The following CD40 variants were observed in gnomAD, a reference collection of about 807,000 sequenced individuals.
CD40 encodes the protein CD40 molecule.
A neutral mutation model predicts 38.5 loss-of-function variants in CD40; 19 were observed. That is an observed-to-expected ratio of 0.49 (90% CI 0.34 to 0.72). The LOEUF (loss-of-function observed/expected upper bound fraction) is 0.72. Ranked by LOEUF, CD40 falls within the 30% of genes least tolerant of loss-of-function variation. CD40 has a pLI of 0.01. For synonymous variants in CD40, 130 were observed against 128.7 expected, an observed-to-expected ratio of 1.01 and a Z score of -0.07; for missense variants, 256 against 344.1, an observed-to-expected ratio of 0.74 and a Z score of 2.03.
At chr20:46,128,467 T>C (rs779391263) in intron 8 of CD40, 109 bp downstream of exon 8, 51 of 1,229,902 alleles carry the variant, frequency 4.1e-5, no homozygotes, top group Admixed American at 5.5e-5. Context: ...CTGCAGCCAG[T>C]GGGGTGGCAG....
rs770408810 is a variant in CD40, at chr20:46,122,082, C to T, written c.131-151C>T. The T allele has an allele frequency of 1.7e-5, 19 of 1,114,768 alleles. No homozygotes were observed. Among genetic ancestry groups the T allele is most frequent in the Non-Finnish European group, 2.6e-5 (19 of 744,056 alleles). 69.1% of individuals were successfully genotyped at this position (1,114,768 alleles called of 1,614,324 possible). A position where few individuals can be genotyped will look rare whatever the true frequency, so the allele number is the denominator to read the frequency against. Reference sequence around the variant, plus strand: ...CTCTGTCTACCCTGAACTAGGGATCCCAGCTTCTCCATCTTCCTCGCCTGA... The same window carrying T: ...CTCTGTCTACCCTGAACTAGGGATCTCAGCTTCTCCATCTTCCTCGCCTGA... On this transcript the variant is annotated intron_variant, in intron 2 of 8. Coordinates refer to ENST00000372285, the MANE Select transcript of CD40 (RefSeq NM_001250.6). The surrounding 1 kb of genome is among the most constrained non-coding windows in gnomAD (Gnocchi z 5.0).
intron 7 of CD40, 45 bp downstream of exon 7, chr20:46,128,269 A>G: frequency 6.3e-7 from 1 of 1,586,588 alleles, no homozygotes; most frequent in South Asian, 1.1e-5. Flanking sequence ...AGGGGAGACC[A>G]CCTGTTTCTT....
intron 1 of CD40, among the ~76,000 whole-genome samples, chr20:46,121,028 G>A (rs1015546557): frequency 3.3e-5 from 5 of 152,180 alleles, no homozygotes; most frequent in Admixed American, 2.6e-4. Flanking sequence ...TGATGCCACT[G>A]CACTCCAGCC....
chr20:46,124,751 G>GTTTTTTTTTTTTTTTTTTTT (rs780015926), intron 5 of CD40, among the ~76,000 whole-genome samples: 2 of 73,938 alleles, frequency 2.7e-5, no homozygotes, highest in Non-Finnish European at 4.9e-5. Flanking sequence ...CACTGGTATA[G>GTTTTTTTTTTTTTTTTTTTT]TTTTTTTTTT....
intron 5 of CD40, 65 bp downstream of exon 5, chr20:46,123,284 C>T (rs1268935782): frequency 1.4e-5 from 16 of 1,182,860 alleles, no homozygotes; most frequent in Non-Finnish European, 1.9e-5. Context: ...CCATTCTCTC[C>T]AGCCACCTGT....
Position 46,124,751 on chromosome 20 carries a change from G to GTTTTTTTT in CD40, c.497+1558_497+1565dup, listed in dbSNP as rs780015926. Among the ~76,000 whole-genome samples the GTTTTTTTT allele has an allele frequency of 4.8e-3, 356 of 73,936 alleles. 75 individuals carry two copies. The highest frequency in any genetic ancestry group is 7.1e-3 in the Non-Finnish European group (289 of 40,966). The allele number at this position is 73,936 out of a possible 152,430, so 48.5% of individuals were successfully genotyped here. On this transcript the variant is annotated intron_variant, in intron 5 of 8. Transcript: ENST00000372285. ...GATAACTGGAGGCACCACTGGTATA[G>GTTTTTTTT]TTTTTTTTTTTTTTTTTTTTTTTTT...
In CD40 at chr20:46,121,598, T is replaced by C. The variant is rs935176421; in HGVS notation, c.52-222T>C. The stretch of plus-strand genomic sequence containing the variant: ...GAATATTGTGAGTTTACAGTACCAT[T>C]GCTTTGTAAAAATACCAGAATGATT... On this transcript the variant is annotated intron_variant, in intron 1 of 8. Coordinates refer to ENST00000372285, the MANE Select transcript of CD40 (RefSeq NM_001250.6). 5 of 600,354 alleles carry C rather than the reference T, an allele frequency of 8.3e-6. No individual in the cohort carries two copies. The African/African-American group carries it at 9.2e-5, about 11-fold the overall frequency. 37.2% of individuals were successfully genotyped at this position (600,354 alleles called of 1,614,324 possible).
At position 46,122,724 on chromosome 20, in the gene CD40, C is replaced by T. The variant is rs11569321; in HGVS notation, c.371C>T (p.Ser124Leu). 12,114 of 1,614,124 alleles carry T rather than the reference C, an allele frequency of 7.5e-3. 702 individuals are homozygous for T. In the African/African-American group the frequency reaches 0.14, roughly 18 times the overall value. ...EACESCVLHR[S>L]CSPGFGVKQI... ...TGTGAGAGCTGTGTCCTGCACCGCT[C>T]ATGCTCGCCCGGCTTTGGGGTCAAG... The change falls in exon 4 of 9, where the codon TCA becomes TTA. Residue 124 changes from serine to leucine, a missense_variant. Ser to Leu is a moderately radical substitution (Grantham distance 145). Transcript: ENST00000372285. This position sits in a 1 kb window ranked among gnomAD's most constrained non-coding sequence, Gnocchi z 5.0.
Position 46,123,152 on chromosome 20 carries a change from G to C in CD40, c.430G>C (p.Glu144Gln). Reference protein sequence around the residue: ...IATGVSDTICEPCPVGFFSNV... With the variant: ...IATGVSDTICQPCPVGFFSNV... ...TACAGGGGTTTCTGATACCATCTGC[G>C]AGCCCTGCCCAGTCGGCTTCTTCTC... Residue 144 changes from glutamate (E) to glutamine (Q), a missense_variant, in exon 5 of 9, where the codon GAG (glutamate) becomes CAG (glutamine). By Grantham distance (29) the Glu-to-Gln change is conservative (BLOSUM62 2). Coordinates refer to ENST00000372285, the MANE Select transcript of CD40 (RefSeq NM_001250.6). 2.5e-6 allele frequency: 4 copies of C among 1,614,142 alleles called. No individual in the cohort carries two copies. The highest frequency in any genetic ancestry group is 3.4e-6 in the Non-Finnish European group (4 of 1,180,016).
chr20:46,121,760 G>C (rs1568905295), intron 1 of CD40, 60 bp from the exon 2 acceptor site: 5 of 1,310,368 alleles, frequency 3.8e-6, no homozygotes, highest in Non-Finnish European at 5.5e-6. Flanking sequence ...TTACCTTTCT[G>C]CTGAAGAAGT....
rs2085510148 is a variant in CD40 at position 46,129,349 on chromosome 20, T to G, written c.*309T>G. On this transcript the variant is annotated 3_prime_UTR_variant, in exon 9 of 9. Coordinates refer to ENST00000372285, the MANE Select transcript of CD40 (RefSeq NM_001250.6). ...TAGTAATATCCACCAGACCTTCCGA[T>G]CCAGCAGTTTGGTGCCCAGAGAGGC... 1 of 391,360 alleles carries G rather than the reference T, an allele frequency of 2.6e-6. No individual in the cohort carries two copies. The highest frequency in any genetic ancestry group is 4.9e-6 in the Non-Finnish European group (1 of 203,974). The allele number at this position is 391,360 out of a possible 1,614,324, so 24.2% of individuals were successfully genotyped here.
At chr20:46,118,484 G>A in intron 1 of CD40, 90 bp downstream of exon 1, 1 of 1,131,088 alleles carries the variant, frequency 8.8e-7, no homozygotes, top group African/African-American at 1.5e-5. Context: ...GGCCTTCCTG[G>A]CTGATTTTTG....
intron 1 of CD40, among the ~76,000 whole-genome samples, chr20:46,121,249 G>A (rs2085311902): frequency 6.6e-6 from 1 of 152,150 alleles, no homozygotes; most frequent in Non-Finnish European, 1.5e-5. Context: ...TTGGTGCTCA[G>A]TCTCAACTAT....
chr20:46,119,565 C>A (rs544843495), intron 1 of CD40, among the ~76,000 whole-genome samples: 1 of 152,110 alleles, frequency 6.6e-6, no homozygotes, highest in Non-Finnish European at 1.5e-5. Context: ...GCAGAGTTTG[C>A]CCTCATAACT....
At position 46,126,155 on chromosome 20, in the gene CD40, G is replaced by T. The variant is rs1047798960; in HGVS notation, c.498-485G>T. ...GAGGGGGATGCTACAGGGATCTGGCGGATAGAGGCCAGGGATGCTGCTGAA... is the reference window on the plus strand; with the variant it reads ...GAGGGGGATGCTACAGGGATCTGGCTGATAGAGGCCAGGGATGCTGCTGAA... On this transcript the variant is annotated intron_variant, in intron 5 of 8. Transcript: ENST00000372285. Among the ~76,000 whole-genome samples the T allele has an allele frequency of 1.3e-5, 2 of 152,294 alleles. 1 individual carries two copies. The highest frequency in any genetic ancestry group is 1.3e-4 in the Admixed American group (2 of 15,304).
chr20:46,123,949 C>T (rs899081107), intron 5 of CD40, among the ~76,000 whole-genome samples: 2 of 152,190 alleles, frequency 1.3e-5, no homozygotes, highest in African/African-American at 2.4e-5. Flanking sequence ...ACTTGCAATC[C>T]TCTGAACACA....
Position 46,122,035 on chromosome 20 carries a change from G to T in CD40, c.130+137G>T. The T allele has an allele frequency of 9.8e-7, 1 of 1,019,388 alleles. No homozygotes were observed. Among genetic ancestry groups the T allele is most frequent in the South Asian group, 1.3e-5 (1 of 75,568 alleles). 63.1% of individuals were successfully genotyped at this position (1,019,388 alleles called of 1,614,324 possible). A position where few individuals can be genotyped will look rare whatever the true frequency, so the allele number is the denominator to read the frequency against. On this transcript the variant is annotated intron_variant, in intron 2 of 8. Coordinates refer to ENST00000372285, the MANE Select transcript of CD40 (RefSeq NM_001250.6). This position sits in a 1 kb window ranked among gnomAD's most constrained non-coding sequence, Gnocchi z 5.0. ...CCTGCTTCACTGTCAGAATGTTCTG[G>T]TTCCCTCTCTACCAGGTAAAACTCT...
At position 46,126,662 on chromosome 20, in the gene CD40, G is replaced by A; in HGVS notation, c.520G>A (p.Val174Met). The change falls in exon 6 of 9, where the codon GTG becomes ATG. Residue 174 changes from valine to methionine, a missense_variant. Transcript: ENST00000372285. ...WTSCETKDLV[V>M]QQAGTNKTDV... ...TAGCTGTGAGACCAAAGACCTGGTTGTGCAACAGGCAGGCACAAACAAGAC... is the reference window on the plus strand; with the variant it reads ...TAGCTGTGAGACCAAAGACCTGGTTATGCAACAGGCAGGCACAAACAAGAC... 1 of 1,614,168 alleles carries A rather than the reference G, an allele frequency of 6.2e-7. No homozygotes were observed. The highest frequency in any genetic ancestry group is 8.5e-7 in the Non-Finnish European group (1 of 1,180,034).
chr20:46,123,011 G>A, intron 4 of CD40, 115 bp from the exon 5 acceptor site: 1 of 950,486 alleles, frequency 1.1e-6, no homozygotes. Context: ...ACCACATCGG[G>A]GGAAGAGTGC....
Sources: allele counts gnomAD v4.1 joint callset (sites outside exome capture counted in the v4.1 genomes callset), GRCh38; gene constraint gnomAD v4.1.1; non-coding constraint Gnocchi (gnomAD v3.1); transcripts MANE v1.5; gene names NCBI Gene and HGNC (gene_info 2026-07-23, HGNC 2026-07-21).